CNP: variants seen among roughly 807,000 people sequenced by gnomAD.
CNP encodes 2',3'-cyclic nucleotide 3' phosphodiesterase.
Under a neutral mutation model 37.9 loss-of-function variants are expected in CNP, and 8 were observed. The observed-to-expected ratio is 0.21, with a 90% CI of 0.12 to 0.38. The LOEUF is 0.38. CNP is among the 10% of genes least tolerant of loss of function. The pLI, the probability that CNP is intolerant of heterozygous loss-of-function variation, is 1.00. For missense variants in CNP, 457 were observed against 551.0 expected, an observed-to-expected ratio of 0.83 and a Z score of 1.71; for synonymous variants, 237 against 238.3, an observed-to-expected ratio of 0.99 and a Z score of 0.05.
rs2051127766 is a variant in CNP at position 41,977,638 on chromosome 17, T to C, written c.*3714T>C. ...ATGCCATTTGCACTTACACAAGACT[T>C]TCCCCATACTCTGTCTCCCTATAAT... On this transcript the variant is annotated 3_prime_UTR_variant, in exon 4 of 4. Transcript: ENST00000393892. The C allele has an allele frequency of 8.3e-6, 2 of 241,254 alleles. No homozygotes were observed. The highest frequency in any genetic ancestry group is 8.1e-6 in the Non-Finnish European group (1 of 123,662). The allele number at this position is 241,254 out of a possible 1,614,324, so 14.9% of individuals were successfully genotyped here. A position where few individuals can be genotyped will look rare whatever the true frequency, so the allele number is the denominator to read the frequency against.
Position 41,966,898 on chromosome 17 carries a change from G to A in CNP, c.3+11G>A, listed in dbSNP as rs1598099006. ...CCCCTCCTCATCATGGTGAGAGGCC[G>A]GGCGGGGCCGGGCACGGGGTAGCAC... On this transcript the variant is annotated intron_variant, in intron 1 of 3. Transcript: ENST00000393892. 6 of 1,341,606 alleles carry A rather than the reference G, an allele frequency of 4.5e-6. No homozygotes were observed. Among genetic ancestry groups the A allele is most frequent in the Non-Finnish European group, 4.8e-6 (5 of 1,047,836 alleles). 83.1% of individuals were successfully genotyped at this position (1,341,606 alleles called of 1,614,324 possible).
At chr17:41,973,377 C>T (rs1555644126) in intron 3 of CNP, 98 bp from the exon 4 acceptor site, 1 of 1,162,610 alleles carries the variant, frequency 8.6e-7, no homozygotes, top group African/African-American at 1.5e-5. Context: ...TTCTGTTAGA[C>T]TTCCCCTTCT....
Position 41,973,969 on chromosome 17 carries a change from GAAAC to G in CNP, c.*46_*49del. 3 of 1,378,410 alleles carry G rather than the reference GAAAC, an allele frequency of 2.2e-6. No homozygotes were observed. The highest frequency in any genetic ancestry group is 2.8e-6 in the Non-Finnish European group (3 of 1,053,532). The allele number at this position is 1,378,410 out of a possible 1,614,324, so 85.4% of individuals were successfully genotyped here. A position where few individuals can be genotyped will look rare whatever the true frequency, so the allele number is the denominator to read the frequency against. On this transcript the variant is annotated 3_prime_UTR_variant, in exon 4 of 4. Transcript: ENST00000393892. ...TGCCCCTAGAAGGGAAGGGGAGAGG[GAAAC>G]GTGCCCTCTGTTTGATCCTTGTTTT... is the stretch of plus-strand genomic sequence containing the variant.
intron 2 of CNP, among the ~76,000 whole-genome samples, chr17:41,969,401 C>G (rs1389507228): frequency 6.6e-6 from 1 of 152,166 alleles, no homozygotes; most frequent in Non-Finnish European, 1.5e-5. Flanking sequence ...TCTGGCCACT[C>G]TAGCAGGGTT....
At chr17:41,967,303 A>T (rs2050914473) in intron 1 of CNP, 1 of 170,982 alleles carries the variant, frequency 5.8e-6, no homozygotes, top group African/African-American at 2.4e-5. Context: ...GCCAGTTCAG[A>T]GGAGGGGACC....
chr17:41,976,595 A>C lies in CNP; in HGVS notation c.*2671A>C. 1 of 1,123,262 alleles carries C rather than the reference A, an allele frequency of 8.9e-7. No individual in the cohort carries two copies. Among genetic ancestry groups the C allele is most frequent in the Non-Finnish European group, 1.3e-6 (1 of 796,732 alleles). The allele number at this position is 1,123,262 out of a possible 1,614,324, so 69.6% of individuals were successfully genotyped here. On this transcript the variant is annotated 3_prime_UTR_variant, in exon 4 of 4. Coordinates refer to ENST00000393892, the MANE Select transcript of CNP (RefSeq NM_033133.5). Reference sequence around the variant, plus strand: ...CCTTTGCTCCACCCCACTCACAGAGACACAGGGCATCCAACTGAGAAAACG... The same window carrying C: ...CCTTTGCTCCACCCCACTCACAGAGCCACAGGGCATCCAACTGAGAAAACG...
chr17:41,977,123 A>G lies in CNP; in HGVS notation c.*3199A>G. 1.1e-6 allele frequency: 1 copy of G among 885,788 alleles called. No homozygotes were observed. Among genetic ancestry groups the G allele is most frequent in the Non-Finnish European group, 1.7e-6 (1 of 573,918 alleles). 54.9% of individuals were successfully genotyped at this position (885,788 alleles called of 1,614,324 possible). On this transcript the variant is annotated 3_prime_UTR_variant, in exon 4 of 4. Transcript: ENST00000393892. ...CTGTCTTCATCCTTAGCAACAGCCG[A>G]GTGGATAGATGCCCTGCTAGATGAG...
chr17:41,967,771 AAG>A (rs2050923863), intron 1 of CNP: 12 of 1,195,124 alleles, frequency 1.0e-5, no homozygotes, highest in Non-Finnish European at 1.3e-5. Context: ...CCAAGCATAT[AAG>A]AGTGAGGCCA....
rs1555643879 is a variant in CNP, at chr17:41,971,943, G to C, written c.728G>C (p.Gly243Ala). Residue 243 changes from glycine (G) to alanine (A), a missense_variant, in exon 3 of 4, where the codon GGA becomes GCA. By Grantham distance (60) the Gly-to-Ala change is moderately conservative. This residue lies in a region of CNP where 291 missense variants were observed against 291.7 expected (regional missense o/e 1.00). Transcript: ENST00000393892. ...AAGATGGACTTGGTCACCTACTTTG[G>C]AAAGAGACCCCCAGGCGTGCTGCAT... ...REKMDLVTYF[G>A]KRPPGVLHCT... 8 of 1,613,894 alleles carry C rather than the reference G, an allele frequency of 5.0e-6. No homozygotes were observed. In the South Asian group the frequency reaches 8.8e-5, roughly 18 times the overall value.
chr17:41,968,591 A>T lies in CNP; in HGVS notation c.527A>T (p.Lys176Met). ...CAGCTGTCGGCTGATGACCTGAAGA[A>T]GCTGAAGCCTGGGCTGGAGAAGGAC... ...QWQLSADDLK[K>M]LKPGLEKDFL... The change falls in exon 2 of 4, where the codon AAG (lysine) becomes ATG (methionine). Residue 176 changes from lysine to methionine, a missense_variant. Around this residue, in one of 2 missense-constraint regions of CNP, gnomAD observed 166 missense variants for 259.3 expected, o/e 0.64. Transcript: ENST00000393892. The surrounding 1 kb of genome is among the most constrained non-coding windows in gnomAD (Gnocchi z 4.8). 1 of 1,614,132 alleles carries T rather than the reference A, an allele frequency of 6.2e-7. No homozygotes were observed. The highest frequency in any genetic ancestry group is 1.3e-5 in the African/African-American group (1 of 75,042).
chr17:41,976,954 G>C lies in CNP; in HGVS notation c.*3030G>C. On this transcript the variant is annotated 3_prime_UTR_variant, in exon 4 of 4. Transcript: ENST00000393892. Reference sequence around the variant, plus strand: ...GGAGCACGTGACTGTATTATACATGGGTAGCTTCTGACCTCAGCATTATCT... The same window carrying C: ...GGAGCACGTGACTGTATTATACATGCGTAGCTTCTGACCTCAGCATTATCT... The C allele has an allele frequency of 1.4e-6, 1 of 699,952 alleles. No homozygotes were observed. Among genetic ancestry groups the C allele is most frequent in the Non-Finnish European group, 2.3e-6 (1 of 425,902 alleles). The allele number at this position is 699,952 out of a possible 1,614,324, so 43.4% of individuals were successfully genotyped here.
intron 1 of CNP, chr17:41,967,675 C>T: frequency 9.6e-7 from 1 of 1,036,372 alleles, no homozygotes; most frequent in Non-Finnish European, 1.2e-6. Context: ...CCACTCCCCC[C>T]CTTCTCTGTG....
Position 41,976,598 on chromosome 17 carries a change from CAG to C in CNP, c.*2675_*2676del. 3 of 1,142,574 alleles carry C rather than the reference CAG, an allele frequency of 2.6e-6. No homozygotes were observed. The highest frequency in any genetic ancestry group is 3.7e-6 in the Non-Finnish European group (3 of 814,364). The allele number at this position is 1,142,574 out of a possible 1,614,324, so 70.8% of individuals were successfully genotyped here. On this transcript the variant is annotated 3_prime_UTR_variant, in exon 4 of 4. Coordinates refer to ENST00000393892, the MANE Select transcript of CNP (RefSeq NM_033133.5). ...TTGCTCCACCCCACTCACAGAGACA[CAG>C]GGCATCCAACTGAGAAAACGAAACT...
rs2051044152 is a variant in CNP at position 41,974,521 on chromosome 17, G to A, written c.*597G>A. The A allele has an allele frequency of 6.5e-6, 1 of 153,452 alleles. No homozygotes were observed. The highest frequency in any genetic ancestry group is 1.4e-5 in the Non-Finnish European group (1 of 69,144). 9.5% of individuals were successfully genotyped at this position (153,452 alleles called of 1,614,324 possible). On this transcript the variant is annotated 3_prime_UTR_variant, in exon 4 of 4. Coordinates refer to ENST00000393892, the MANE Select transcript of CNP (RefSeq NM_033133.5). ...GCTCACTGCAGCCTCGAACTCCTGGGCTCAAGCAATCCTCCTGAGTGATCC... is the reference window on the plus strand; with the variant it reads ...GCTCACTGCAGCCTCGAACTCCTGGACTCAAGCAATCCTCCTGAGTGATCC...
At position 41,973,467 on chromosome 17, in the gene CNP, C is replaced by A; in HGVS notation, c.817-8C>A. ...CTAGCTTGGGCCCCTCTTTCTCACT[C>A]TCCCCAGGTGTTAAAGAAATCTTAC... On this transcript the variant is annotated splice_region_variant and splice_polypyrimidine_tract_variant and intron_variant, in intron 3 of 3. Transcript: ENST00000393892. 1 of 1,608,890 alleles carries A rather than the reference C, an allele frequency of 6.2e-7. No homozygotes were observed. The highest frequency in any genetic ancestry group is 8.5e-7 in the Non-Finnish European group (1 of 1,176,808).
chr17:41,975,857 G>A lies in CNP; in HGVS notation c.*1933G>A, dbSNP rs551703918. Reference sequence around the variant, plus strand: ...TCACCTTGAACACCACGCTTGACAGGACAGCATGGTGCATGCCGCTGCATC... The same window carrying A: ...TCACCTTGAACACCACGCTTGACAGAACAGCATGGTGCATGCCGCTGCATC... On this transcript the variant is annotated 3_prime_UTR_variant, in exon 4 of 4. Coordinates refer to ENST00000393892, the MANE Select transcript of CNP (RefSeq NM_033133.5). 1 of 152,356 alleles carries A rather than the reference G, an allele frequency of 6.6e-6. No individual in the cohort carries two copies. The highest frequency in any genetic ancestry group is 1.9e-4 in the East Asian group (1 of 5,182). 9.4% of individuals were successfully genotyped at this position (152,356 alleles called of 1,614,324 possible). A position where few individuals can be genotyped will look rare whatever the true frequency, so the allele number is the denominator to read the frequency against.
At chr17:41,967,017 C>A in intron 1 of CNP, 130 bp downstream of exon 1, 4 of 1,095,480 alleles carry the variant, frequency 3.7e-6, no homozygotes, top group Non-Finnish European at 4.7e-6. Flanking sequence ...TTTCTTGGTA[C>A]TCAGGGCGGC....
Position 41,977,269 on chromosome 17 carries a change from C to A in CNP, c.*3345C>A. The A allele has an allele frequency of 6.3e-7, 1 of 1,580,696 alleles. No homozygotes were observed. ...ACAGCAGGCCCACCTACCTTCAAAG[C>A]TGAAGCCGCCAGGACCGCCAAAGAA... is the stretch of plus-strand genomic sequence containing the variant. On this transcript the variant is annotated 3_prime_UTR_variant, in exon 4 of 4. Transcript: ENST00000393892.
At chr17:41,972,118 A>G (rs2050999302) in intron 3 of CNP, 87 bp downstream of exon 3, 2 of 1,521,054 alleles carry the variant, frequency 1.3e-6, no homozygotes, top group South Asian at 2.4e-5. Context: ...TACCGGTGCC[A>G]GGCAGGGACC....
Sources: allele counts gnomAD v4.1 joint callset (sites outside exome capture counted in the v4.1 genomes callset), GRCh38; gene constraint gnomAD v4.1.1; regional missense constraint gnomAD v4.1.1; non-coding constraint Gnocchi (gnomAD v3.1); transcripts MANE v1.5; gene names NCBI Gene and HGNC (gene_info 2026-07-23, HGNC 2026-07-21).